The following IFTAP variants were observed in gnomAD, a reference collection of about 807,000 sequenced individuals.
The protein encoded by IFTAP is intraflagellar transport-associated protein.
IFTAP carries 19 observed loss-of-function variants against 19.4 expected under a neutral mutation model. The observed-to-expected ratio is 0.98, with a 90% CI of 0.68 to 1.44. IFTAP has a LOEUF of 1.44. IFTAP is among the 40% of genes most tolerant of loss of function. The pLI is 0.00. For missense variants in IFTAP, 240 were observed against 253.6 expected (o/e 0.95, Z 0.36); for synonymous variants, 85 against 83.5 (o/e 1.02, Z -0.10).
chr11:36,624,882 AT>A (rs1478936996), intron 2 of IFTAP, among the ~76,000 whole-genome samples: 10 of 152,178 alleles, frequency 6.6e-5, no homozygotes, highest in Admixed American at 5.2e-4. Flanking sequence ...TTACTGTTGC[AT>A]GAGCGAGAAA....
intron 4 of IFTAP, among the ~76,000 whole-genome samples, chr11:36,643,005 C>T (rs868479935): frequency 2.6e-5 from 4 of 152,074 alleles, no homozygotes; most frequent in Non-Finnish European, 5.9e-5. Flanking sequence ...AAGTTCTGGC[C>T]AGGGCTATCA....
chr11:36,619,676 G>A (rs914642567), intron 2 of IFTAP, among the ~76,000 whole-genome samples: 1 of 152,058 alleles, frequency 6.6e-6, no homozygotes, highest in Non-Finnish European at 1.5e-5. Context: ...TTGCCTGTCA[G>A]AGGAAGTTGG....
At chr11:36,633,071 A>T (rs962337755) in intron 2 of IFTAP, among the ~76,000 whole-genome samples, 1 of 151,258 alleles carries the variant, frequency 6.6e-6, no homozygotes, top group Non-Finnish European at 1.5e-5. Context: ...TAGGCACTCA[A>T]TAAATATATG....
intron 2 of IFTAP, among the ~76,000 whole-genome samples, chr11:36,621,331 A>T (rs1366527431): frequency 6.6e-6 from 1 of 152,030 alleles, no homozygotes; most frequent in African/African-American, 2.4e-5. Context: ...TACAAACAGG[A>T]AACTTTATTT....
At chr11:36,618,940 A>G (rs1299492596) in intron 2 of IFTAP, among the ~76,000 whole-genome samples, 1 of 151,908 alleles carries the variant, frequency 6.6e-6, no homozygotes, top group Non-Finnish European at 1.5e-5. Flanking sequence ...AAAAGGGCCT[A>G]GGAGACGCTG....
chr11:36,647,822 T>C (rs1217219534), intron 4 of IFTAP, among the ~76,000 whole-genome samples, 194 bp from the exon 5 acceptor site: 2 of 152,124 alleles, frequency 1.3e-5, no homozygotes, highest in African/African-American at 2.4e-5. Context: ...TAAAAATAAA[T>C]GCACTAATGG....
At chr11:36,634,283 G>A (rs1225499767) in intron 3 of IFTAP, among the ~76,000 whole-genome samples, 9 of 152,120 alleles carry the variant, frequency 5.9e-5, no homozygotes, top group Non-Finnish European at 1.3e-4. Context: ...TGAAAATGTT[G>A]TGTTACCATT....
chr11:36,638,054 T>A (rs528876145), intron 4 of IFTAP, among the ~76,000 whole-genome samples: 1 of 152,070 alleles, frequency 6.6e-6, no homozygotes, highest in South Asian at 2.1e-4. Flanking sequence ...CTAATTTTTA[T>A]GTATTTTAGT....
At chr11:36,612,280 G>GC (rs1565009288) in intron 2 of IFTAP, among the ~76,000 whole-genome samples, 5 of 145,968 alleles carry the variant, frequency 3.4e-5, no homozygotes, top group South Asian at 2.2e-4. Context: ...CACACTAGTT[G>GC]TTTTTTTTTT....
chr11:36,654,780 G>A (rs537338165), intron 5 of IFTAP, among the ~76,000 whole-genome samples: 5 of 151,434 alleles, frequency 3.3e-5, no homozygotes, highest in South Asian at 2.1e-4. Context: ...GTCACTTATC[G>A]AGTGCTGCCA....
chr11:36,643,507 C>A (rs1291241858), intron 4 of IFTAP, among the ~76,000 whole-genome samples: 2 of 152,142 alleles, frequency 1.3e-5, no homozygotes, highest in African/African-American at 4.8e-5. Flanking sequence ...CTTTAAAGTT[C>A]ATATGGAACC....
chr11:36,620,954 T>G lies in IFTAP; in HGVS notation c.136+10715T>G, dbSNP rs147906900. On this transcript the variant is annotated intron_variant, in intron 2 of 5. Coordinates refer to ENST00000334307, the MANE Select transcript of IFTAP (RefSeq NM_138787.4). The stretch of plus-strand genomic sequence containing the variant: ...ATACATATAAATTAGAGAGTTGAAC[T>G]TTTGTAGACAAATGGGATTTTAAAC... 7.0e-3 allele frequency among the ~76,000 whole-genome samples: 1,063 copies of G among 152,076 alleles called. 7 individuals carry two copies. Among genetic ancestry groups the G allele is most frequent in the Non-Finnish European group, 0.012 (794 of 67,920 alleles).
chr11:36,636,056 T>A lies in IFTAP; in HGVS notation c.297T>A (p.Asp99Glu), dbSNP rs1034374167. 11 of 1,600,636 alleles carry A rather than the reference T, an allele frequency of 6.9e-6. No individual in the cohort carries two copies. The African/African-American group carries it at 9.4e-5, about 14-fold the overall frequency. Residue 99 changes from aspartate (D) to glutamate (E), a missense_variant, in exon 4 of 6, where the codon GAT (aspartate) becomes GAA (glutamate). Asp to Glu is a conservative substitution (Grantham distance 45). Transcript: ENST00000334307. ...TSSQCLEEQVDNFLDLEDLDM... is the reference protein window; with the variant it reads ...TSSQCLEEQVENFLDLEDLDM... ...ATGTTAATTCTTTTTTCTAGGTAGATAATTTCCTAGATTTAGAAGATTTGG... is the reference window on the plus strand; with the variant it reads ...ATGTTAATTCTTTTTTCTAGGTAGAAAATTTCCTAGATTTAGAAGATTTGG...
chr11:36,629,222 C>CA (rs1852636854), intron 2 of IFTAP, among the ~76,000 whole-genome samples: 1 of 151,130 alleles, frequency 6.6e-6, no homozygotes, highest in African/African-American at 2.5e-5. Context: ...GAGTGTAATG[C>CA]AAAAATCACA....
chr11:36,638,098 T>C (rs1299030690), intron 4 of IFTAP, among the ~76,000 whole-genome samples: 1 of 152,052 alleles, frequency 6.6e-6, no homozygotes, highest in African/African-American at 2.4e-5. Flanking sequence ...CCCAGGCTGG[T>C]CTTGAACTCC....
intron 5 of IFTAP, among the ~76,000 whole-genome samples, chr11:36,656,171 G>A (rs527451566): frequency 3.9e-5 from 6 of 152,136 alleles, no homozygotes; most frequent in Non-Finnish European, 8.8e-5. Flanking sequence ...AAGTAAGTCC[G>A]AAATACAGGC....
chr11:36,626,601 G>T (rs765711229), intron 2 of IFTAP, among the ~76,000 whole-genome samples: 1 of 151,216 alleles, frequency 6.6e-6, no homozygotes, highest in African/African-American at 2.5e-5. Context: ...TGAGATCCCT[G>T]CTCTCCTTAG....
Position 36,604,707 on chromosome 11 carries a change from A to T in IFTAP, c.-23-5374A>T, listed in dbSNP as rs181649132. On this transcript the variant is annotated intron_variant, in intron 1 of 5. Transcript: ENST00000334307. ...CTTCAGATACACTTTAAAGTTCATA[A>T]TCATGAGCATCTCATGACTATTTAT... is the stretch of plus-strand genomic sequence containing the variant. Among the ~76,000 whole-genome samples the T allele has an allele frequency of 7.9e-5, 12 of 152,190 alleles. No individual in the cohort carries two copies. In the East Asian group the frequency reaches 2.1e-3, roughly 27 times the overall value.
chr11:36,658,515 G>A (rs954402346), intron 5 of IFTAP, among the ~76,000 whole-genome samples: 1 of 152,092 alleles, frequency 6.6e-6, no homozygotes, highest in African/African-American at 2.4e-5. Context: ...ACTGTTATTA[G>A]CCAAGAGTTA....
Sources: allele counts gnomAD v4.1 joint callset (sites outside exome capture counted in the v4.1 genomes callset), GRCh38; gene constraint gnomAD v4.1.1; transcripts MANE v1.5; gene names NCBI Gene and HGNC (gene_info 2026-07-23, HGNC 2026-07-21).